Variants in UBE3D observed in about 807,000 individuals in gnomAD.
UBE3D encodes the protein E3 ubiquitin-protein ligase E3D.
In UBE3D, 48 loss-of-function variants were observed where a neutral mutation model predicts 49.6. The ratio of observed to expected loss-of-function variants is 0.97; its 90% CI spans 0.77 to 1.23. The LOEUF (loss-of-function observed/expected upper bound fraction) is 1.23. UBE3D is among the 50% of genes most tolerant of loss of function. The probability of loss-of-function intolerance (pLI) is 0.00; values close to 1 mark genes in which losing one functional copy is unlikely to be tolerated. For synonymous variants in UBE3D, 189 were observed against 174.2 expected (o/e 1.08, Z -0.67); for missense variants, 452 against 468.4 (o/e 0.96, Z 0.32).
intron 7 of UBE3D, among the ~76,000 whole-genome samples, chr6:83,021,040 C>G (rs375330122): frequency 8.5e-5 from 13 of 152,296 alleles, no homozygotes; most frequent in African/African-American, 3.1e-4. Context: ...ATATTAGGCT[C>G]TAGTGGTACA....
chr6:83,000,385 C>T (rs1004261618), intron 8 of UBE3D, among the ~76,000 whole-genome samples: 15 of 152,260 alleles, frequency 9.9e-5, no homozygotes, highest in African/African-American at 3.6e-4. Flanking sequence ...TATATAGTGG[C>T]CCATTCCTCA....
At chr6:82,893,573 C>T (rs1198542475) in intron 9 of UBE3D, among the ~76,000 whole-genome samples, 1 of 152,196 alleles carries the variant, frequency 6.6e-6, no homozygotes, top group African/African-American at 2.4e-5. Context: ...AGGCCTAGAT[C>T]AAATGCATCT....
chr6:83,034,805 G>GTTCT (rs1192131140), intron 5 of UBE3D, among the ~76,000 whole-genome samples: 1 of 152,016 alleles, frequency 6.6e-6, no homozygotes, highest in East Asian at 1.9e-4. Flanking sequence ...GTCTCAAGTA[G>GTTCT]TTCTTTACAG....
intron 8 of UBE3D, among the ~76,000 whole-genome samples, chr6:83,006,785 T>C (rs1780012903): frequency 6.6e-6 from 1 of 152,102 alleles, no homozygotes; most frequent in South Asian, 2.1e-4. Context: ...GGTTGTGGTT[T>C]AATGAGTATG....
intron 3 of UBE3D, among the ~76,000 whole-genome samples, chr6:83,046,695 G>T (rs1047428667): frequency 1.5e-4 from 22 of 148,046 alleles, no homozygotes; most frequent in African/African-American, 5.6e-4. Context: ...CGGTGGCACC[G>T]GGGGAGCAGT....
At chr6:82,932,156 A>G (rs1774208819) in intron 9 of UBE3D, among the ~76,000 whole-genome samples, 1 of 152,174 alleles carries the variant, frequency 6.6e-6, no homozygotes, top group Non-Finnish European at 1.5e-5. Flanking sequence ...CTGTGAGTCA[A>G]TTAAACCTCT....
chr6:83,022,347 A>T, intron 7 of UBE3D, 106 bp downstream of exon 7: 2 of 756,458 alleles, frequency 2.6e-6, no homozygotes, highest in Non-Finnish European at 4.0e-6. Flanking sequence ...ATTTTTAATC[A>T]CTTATTTTCC....
intron 4 of UBE3D, among the ~76,000 whole-genome samples, chr6:83,040,864 T>C (rs2127811598): frequency 6.6e-6 from 1 of 152,258 alleles, no homozygotes; most frequent in East Asian, 1.9e-4. Context: ...CTGGATGGTG[T>C]CATACCCATG....
intron 9 of UBE3D, among the ~76,000 whole-genome samples, chr6:82,916,519 T>C (rs1287615351): frequency 6.6e-6 from 1 of 152,174 alleles, no homozygotes; most frequent in Admixed American, 6.6e-5. Flanking sequence ...AACTGGTAAA[T>C]TATGTAGCCA....
intron 8 of UBE3D, among the ~76,000 whole-genome samples, chr6:82,992,218 T>TTTC: frequency 1.1e-5 from 1 of 94,226 alleles, no homozygotes; most frequent in East Asian, 2.8e-4. Context: ...CTGCATTCCT[T>TTTC]TTTTTTTTTT....
At chr6:83,042,903 G>A (rs1782772225) in intron 4 of UBE3D, among the ~76,000 whole-genome samples, 1 of 152,058 alleles carries the variant, frequency 6.6e-6, no homozygotes, top group East Asian at 1.9e-4. Context: ...CCAAATTTAT[G>A]TTTCTATTTT....
At chr6:82,968,912 A>C (rs950334322) in intron 8 of UBE3D, among the ~76,000 whole-genome samples, 4 of 152,164 alleles carry the variant, frequency 2.6e-5, no homozygotes, top group Admixed American at 2.0e-4. Context: ...TCATTGCACA[A>C]CTTCAGGAAT....
intron 8 of UBE3D, among the ~76,000 whole-genome samples, chr6:82,985,976 T>A (rs1778462271): frequency 6.6e-6 from 1 of 152,168 alleles, no homozygotes; most frequent in South Asian, 2.1e-4. Flanking sequence ...TGATTTCTTT[T>A]ATTTTCAAGG....
chr6:82,922,145 T>C (rs1368158784), intron 9 of UBE3D, among the ~76,000 whole-genome samples: 2 of 152,150 alleles, frequency 1.3e-5, no homozygotes, highest in African/African-American at 4.8e-5. Flanking sequence ...TTTTGGAAAT[T>C]CTGAAAATGC....
intron 5 of UBE3D, among the ~76,000 whole-genome samples, chr6:83,025,083 C>T (rs1781362319): frequency 6.6e-6 from 1 of 152,350 alleles, no homozygotes. Flanking sequence ...AACTAGCAAA[C>T]ATCATATAAC....
At chr6:82,926,049 A>G (rs1450443673) in intron 9 of UBE3D, among the ~76,000 whole-genome samples, 1 of 152,040 alleles carries the variant, frequency 6.6e-6, no homozygotes, top group East Asian at 1.9e-4. Flanking sequence ...TATAAAAACA[A>G]TGATCTAATG....
chr6:82,888,003 G>A (rs940860854), downstream of UBE3D, among the ~76,000 whole-genome samples: 1 of 152,122 alleles, frequency 6.6e-6, no homozygotes, highest in Non-Finnish European at 1.5e-5. Flanking sequence ...GTACAGGTCT[G>A]AGAGATCCTT....
At chr6:82,886,635 C>T in the UBE3D span, among the ~76,000 whole-genome samples, 2 of 152,310 alleles carry the variant, frequency 1.3e-5, no homozygotes, top group African/African-American at 4.8e-5. Context: ...TGGAAAGATA[C>T]GTAGGAAATG....
chr6:83,027,582 G>T (rs1327779979), intron 5 of UBE3D, among the ~76,000 whole-genome samples: 1 of 151,716 alleles, frequency 6.6e-6, no homozygotes, highest in African/African-American at 2.4e-5. Flanking sequence ...AGGATCAACA[G>T]TTATTTGCAC....
Sources: allele counts gnomAD v4.1 joint callset (sites outside exome capture counted in the v4.1 genomes callset), GRCh38; gene constraint gnomAD v4.1.1; transcripts MANE v1.5; gene names NCBI Gene and HGNC (gene_info 2026-07-23, HGNC 2026-07-21).